Variants in LEPR observed in about 807,000 individuals in gnomAD.
The protein encoded by LEPR is leptin receptor, also known as OB receptor.
A neutral mutation model predicts 114.7 loss-of-function variants in LEPR; 56 were observed. The ratio of observed to expected loss-of-function variants is 0.49; its 90% CI spans 0.39 to 0.61. The LOEUF (loss-of-function observed/expected upper bound fraction) is 0.61, where lower values mean the gene tolerates loss of function less well. Ranked by LOEUF, LEPR falls within the 20% of genes least tolerant of loss-of-function variation. The pLI is 0.00. For missense variants in LEPR, 1,202 were observed against 1,352.9 expected, an observed-to-expected ratio of 0.89 and a Z score of 1.75; for synonymous variants, 443 against 461.4, an observed-to-expected ratio of 0.96 and a Z score of 0.51.
intron 2 of LEPR, among the ~76,000 whole-genome samples, chr1:65,476,506 G>A (rs1647161807): frequency 6.6e-6 from 1 of 152,142 alleles, no homozygotes; most frequent in Non-Finnish European, 1.5e-5. Context: ...TGCTCACAAT[G>A]AGGTCATTCC....
At chr1:65,584,997 A>C (rs1377093414) in intron 5 of LEPR, among the ~76,000 whole-genome samples, 1 of 152,054 alleles carries the variant, frequency 6.6e-6, no homozygotes, top group Non-Finnish European at 1.5e-5. Context: ...GTCTGGGTGG[A>C]ACTAGATTGC....
Position 65,435,438 on chromosome 1 carries a change from G to A in LEPR, c.-21+10060G>A, listed in dbSNP as rs529187258. On this transcript the variant is annotated intron_variant, in intron 2 of 19. Coordinates refer to ENST00000349533, the MANE Select transcript of LEPR (RefSeq NM_002303.6). The stretch of plus-strand genomic sequence containing the variant: ...GCTGGAGTGCAGTGGTGCGATCTTG[G>A]CTCACTGCAAGCTCCGCCTCCCGGG... 892 of 573,004 alleles carry A rather than the reference G, an allele frequency of 1.6e-3. 8 individuals are homozygous for A. In the African/African-American group the frequency reaches 0.018, roughly 12 times the overall value. The allele number at this position is 573,004 out of a possible 1,614,324, so 35.5% of individuals were successfully genotyped here.
chr1:65,558,803 G>C (rs1412785948), intron 2 of LEPR, among the ~76,000 whole-genome samples: 1 of 38,230 alleles, frequency 2.6e-5, no homozygotes, highest in Admixed American at 2.9e-4. Flanking sequence ...TGCAGTGTTT[G>C]GTTTTTTGTT....
At chr1:65,455,499 C>G (rs912379114) in intron 2 of LEPR, among the ~76,000 whole-genome samples, 7 of 152,208 alleles carry the variant, frequency 4.6e-5, no homozygotes, top group African/African-American at 1.7e-4. Context: ...TTCCTTCTAA[C>G]AGACAGGACC....
At chr1:65,573,254 C>A (rs559991108) in intron 5 of LEPR, among the ~76,000 whole-genome samples, 1 of 152,316 alleles carries the variant, frequency 6.6e-6, no homozygotes, top group South Asian at 2.1e-4. Flanking sequence ...GCCTGGACAT[C>A]TGCCTTGGCC....
At chr1:65,432,953 C>T (rs1220869438) in intron 2 of LEPR, 1 of 984,546 alleles carries the variant, frequency 1.0e-6, no homozygotes. Flanking sequence ...AAATAAAAAA[C>T]AAAACATACT....
intron 19 of LEPR, among the ~76,000 whole-genome samples, chr1:65,628,674 C>T (rs1156856793): frequency 2.0e-5 from 3 of 152,112 alleles, no homozygotes; most frequent in Non-Finnish European, 2.9e-5. Flanking sequence ...AAACATAGCA[C>T]AATTCATTTA....
chr1:65,466,637 A>G (rs1647016665), intron 2 of LEPR, among the ~76,000 whole-genome samples: 1 of 152,062 alleles, frequency 6.6e-6, no homozygotes, highest in Non-Finnish European at 1.5e-5. Flanking sequence ...ACTTGGTTCC[A>G]TTCTCCCCGT....
At chr1:65,422,693 C>G (rs965420035) in intron 1 of LEPR, among the ~76,000 whole-genome samples, 2 of 152,198 alleles carry the variant, frequency 1.3e-5, no homozygotes, top group East Asian at 3.8e-4. Context: ...CGTGACATGG[C>G]GCAGGGCTTA....
chr1:65,475,850 T>C (rs1647152651), intron 2 of LEPR, among the ~76,000 whole-genome samples: 1 of 151,620 alleles, frequency 6.6e-6, no homozygotes. Flanking sequence ...ACCCCATCTG[T>C]ACAAAAATAC....
At chr1:65,579,262 G>A (rs1367842011) in intron 5 of LEPR, among the ~76,000 whole-genome samples, 1 of 152,220 alleles carries the variant, frequency 6.6e-6, no homozygotes, top group Non-Finnish European at 1.5e-5. Context: ...GAAAGTGGAG[G>A]TGGAAGACTA....
At chr1:65,422,036 T>C (rs1023428537) in intron 1 of LEPR, among the ~76,000 whole-genome samples, 4 of 152,194 alleles carry the variant, frequency 2.6e-5, no homozygotes, top group African/African-American at 9.7e-5. Flanking sequence ...TGTCAGTGTT[T>C]ATGTTGGGCT....
At chr1:65,535,802 G>T (rs765063088) in intron 2 of LEPR, among the ~76,000 whole-genome samples, 1 of 152,068 alleles carries the variant, frequency 6.6e-6, no homozygotes, top group African/African-American at 2.4e-5. Context: ...GGCATTTACC[G>T]ATGCTCTTTG....
At chr1:65,634,445 A>T (rs41286708) in intron 19 of LEPR, 17,899 of 965,924 alleles carry the variant, frequency 0.019, 183 homozygotes, top group Non-Finnish European at 0.02. Context: ...CTAAAATCTT[A>T]AAAAAAGATG....
intron 18 of LEPR, 125 bp from the exon 19 acceptor site, chr1:65,622,781 C>T: frequency 1.1e-6 from 1 of 907,252 alleles, no homozygotes. Flanking sequence ...TGTGAAAATG[C>T]ATCTGACCCT....
At chr1:65,604,021 G>A (rs1197168636) in intron 10 of LEPR, among the ~76,000 whole-genome samples, 1 of 151,944 alleles carries the variant, frequency 6.6e-6, no homozygotes, top group Non-Finnish European at 1.5e-5. Flanking sequence ...AAAGTGTGAG[G>A]AATTTGCCTT....
chr1:65,425,197 A>G (rs2101680097), intron 1 of LEPR, 106 bp from the exon 2 acceptor site: 1 of 894,488 alleles, frequency 1.1e-6, no homozygotes, highest in Middle Eastern at 2.1e-4. Context: ...CTCATCCGCC[A>G]AAGAAACTCT....
chr1:65,608,192 A>C (rs1449238099), intron 11 of LEPR, among the ~76,000 whole-genome samples: 4 of 151,122 alleles, frequency 2.6e-5, no homozygotes, highest in Non-Finnish European at 5.9e-5. Context: ...TCAATGGAGA[A>C]CAGTTTGTTA....
At position 65,420,700 on chromosome 1, in the gene LEPR, C is replaced by G. The variant is rs1324320328; in HGVS notation, c.-137C>G. 1 of 1,576,146 alleles carries G rather than the reference C, an allele frequency of 6.3e-7. No individual in the cohort carries two copies. Among genetic ancestry groups the G allele is most frequent in the Admixed American group, 1.9e-5 (1 of 52,496 alleles). Reference sequence around the variant, plus strand: ...CCGGGCCGTGGCAGGAAGCCGGAAGCAGCCGCGGCCCCAGTTCGGGAGACA... The same window carrying G: ...CCGGGCCGTGGCAGGAAGCCGGAAGGAGCCGCGGCCCCAGTTCGGGAGACA... On this transcript the variant is annotated 5_prime_UTR_variant, in exon 1 of 20. Transcript: ENST00000349533.
Sources: allele counts gnomAD v4.1 joint callset (sites outside exome capture counted in the v4.1 genomes callset), GRCh38; gene constraint gnomAD v4.1.1; transcripts MANE v1.5; gene names NCBI Gene and HGNC (gene_info 2026-07-23, HGNC 2026-07-21).